Variants in TAF3 observed in about 807,000 individuals in gnomAD.
TAF3 encodes the protein transcription initiation factor TFIID subunit 3.
Under a neutral mutation model 80.6 loss-of-function variants are expected in TAF3, and 7 were observed. That is an observed-to-expected ratio of 0.09 (90% CI 0.05 to 0.16). The LOEUF is 0.16. Among genes scored for constraint, TAF3 ranks in the 10% least tolerant of loss-of-function variants. TAF3 has a pLI of 1.00. For synonymous variants in TAF3, 444 were observed against 446.1 expected (o/e 1.00, Z 0.06); for missense variants, 921 against 1,140.2 (o/e 0.81, Z 2.77).
intron 2 of TAF3, among the ~76,000 whole-genome samples, chr10:7,857,514 G>T (rs1837093182): frequency 6.6e-6 from 1 of 152,314 alleles, no homozygotes; most frequent in East Asian, 1.9e-4. Flanking sequence ...GGAGTGTGGA[G>T]GTGGACACTG....
At chr10:7,956,100 A>G (rs1838132754) in intron 2 of TAF3, among the ~76,000 whole-genome samples, 1 of 152,210 alleles carries the variant, frequency 6.6e-6, no homozygotes, top group South Asian at 2.1e-4. Context: ...GTTATATAAT[A>G]CATATGTTAA....
intron 4 of TAF3, among the ~76,000 whole-genome samples, chr10:8,003,652 A>G (rs556685663): frequency 3.3e-5 from 5 of 152,380 alleles, no homozygotes; most frequent in African/African-American, 1.2e-4. Context: ...ATGCAGCATT[A>G]AAGAAGAACT....
chr10:7,926,930 G>A (rs958000428), intron 2 of TAF3, among the ~76,000 whole-genome samples: 1 of 152,116 alleles, frequency 6.6e-6, no homozygotes, highest in Non-Finnish European at 1.5e-5. Flanking sequence ...TTCAACGTGT[G>A]TATATATATT....
chr10:7,865,340 ATG>A (rs1837200489), intron 2 of TAF3, among the ~76,000 whole-genome samples: 1 of 152,066 alleles, frequency 6.6e-6, no homozygotes. Context: ...TTAGCCAGGT[ATG>A]GTGGCGGGCG....
At position 8,001,272 on chromosome 10, in the gene TAF3, C is replaced by T. The variant is rs1831941384; in HGVS notation, c.2316-7806C>T. Among the ~76,000 whole-genome samples, 3 of 152,146 alleles carry T rather than the reference C, an allele frequency of 2.0e-5. No individual in the cohort carries two copies. The South Asian group carries it at 6.2e-4, about 31-fold the overall frequency. ...CCAACCATCTCTCCCTTTCCCCTAG[C>T]CTGACAGTACCAGGTGTTGTCAATC... On this transcript the variant is annotated intron_variant, in intron 4 of 6. Transcript: ENST00000344293.
chr10:7,856,108 G>A (rs1837076659), intron 2 of TAF3, among the ~76,000 whole-genome samples: 1 of 152,156 alleles, frequency 6.6e-6, no homozygotes, highest in African/African-American at 2.4e-5. Flanking sequence ...TTGGAAATGG[G>A]AAATCATGGC....
Position 7,842,366 on chromosome 10 carries a change from C to T in TAF3, c.409+17806C>T, listed in dbSNP as rs115376823. ...GTAGAGATGAGGTTTCAGTATATTGCCCTGGCTGGTCTTGAACTGCAAGGC... is the reference window on the plus strand; with the variant it reads ...GTAGAGATGAGGTTTCAGTATATTGTCCTGGCTGGTCTTGAACTGCAAGGC... On this transcript the variant is annotated intron_variant, in intron 2 of 6. Transcript: ENST00000344293. Among the ~76,000 whole-genome samples the T allele has an allele frequency of 9.9e-3, 1,501 of 151,714 alleles. 21 individuals are homozygous for T. The highest frequency in any genetic ancestry group is 0.034 in the African/African-American group (1,407 of 41,360).
At chr10:7,988,902 CACTTAA>C (rs1256842020) in intron 4 of TAF3, among the ~76,000 whole-genome samples, 5 of 151,724 alleles carry the variant, frequency 3.3e-5, no homozygotes, top group Non-Finnish European at 7.4e-5. Context: ...TTGTACTTTG[CACTTAA>C]AAGTTTATTT....
intron 2 of TAF3, among the ~76,000 whole-genome samples, chr10:7,894,220 C>T (rs998913746): frequency 2.0e-5 from 3 of 152,184 alleles, no homozygotes; most frequent in Admixed American, 2.0e-4. Flanking sequence ...TTTTCCACTT[C>T]TCCTACCCCT....
intron 2 of TAF3, among the ~76,000 whole-genome samples, chr10:7,961,810 T>TCA (rs921137753): frequency 1.3e-5 from 2 of 152,212 alleles, no homozygotes; most frequent in African/African-American, 4.8e-5. Flanking sequence ...TTTCTGTTCA[T>TCA]CACTACATTT....
chr10:7,962,430 G>T (rs183095464), intron 2 of TAF3, among the ~76,000 whole-genome samples: 2 of 152,166 alleles, frequency 1.3e-5, no homozygotes, highest in East Asian at 3.9e-4. Flanking sequence ...TTTCTCTGTT[G>T]TCTAAAATCC....
intron 2 of TAF3, among the ~76,000 whole-genome samples, chr10:7,945,161 C>T (rs372278422): frequency 2.0e-5 from 3 of 152,258 alleles, no homozygotes; most frequent in South Asian, 2.1e-4. Flanking sequence ...CTCTGGCACC[C>T]GTGGCATTAG....
In TAF3 at chr10:7,906,145, T is replaced by G. The variant is rs1052600019; in HGVS notation, c.410-57775T>G. Among the ~76,000 whole-genome samples, 3 of 152,230 alleles carry G rather than the reference T, an allele frequency of 2.0e-5. No individual in the cohort carries two copies. In the South Asian group the frequency reaches 6.2e-4, roughly 31 times the overall value. ...AATATATATGTGATATTTCATCTCT[T>G]GTCCAATTCCTCTTTCTCCTCCAAC... On this transcript the variant is annotated intron_variant, in intron 2 of 6. Coordinates refer to ENST00000344293, the MANE Select transcript of TAF3 (RefSeq NM_031923.4).
intron 4 of TAF3, among the ~76,000 whole-genome samples, chr10:7,997,383 A>T (rs987609829): frequency 6.6e-6 from 1 of 152,240 alleles, no homozygotes; most frequent in Non-Finnish European, 1.5e-5. Context: ...AATAATGAGG[A>T]TCATTAAACT....
intron 2 of TAF3, among the ~76,000 whole-genome samples, chr10:7,866,578 A>G (rs1319055652): frequency 6.6e-6 from 1 of 152,234 alleles, no homozygotes; most frequent in Non-Finnish European, 1.5e-5. Flanking sequence ...CCTAGAATCT[A>G]CTGAGGGAGC....
intron 1 of TAF3, 64 bp downstream of exon 1, chr10:7,818,939 C>T (rs1168884084): frequency 2.3e-6 from 3 of 1,333,230 alleles, no homozygotes; most frequent in Non-Finnish European, 2.9e-6. Flanking sequence ...CTTCGCTCTC[C>T]CTGTCCCTCC....
rs1245173772 is a variant in TAF3, at chr10:8,009,171, C to T, written c.2409C>T (p.Pro803=). 1.3e-6 allele frequency: 2 copies of T among 1,531,670 alleles called. No homozygotes were observed. Among genetic ancestry groups the T allele is most frequent in the Non-Finnish European group, 1.8e-6 (2 of 1,138,156 alleles). The allele number at this position is 1,531,670 out of a possible 1,614,324, so 94.9% of individuals were successfully genotyped here. A position where few individuals can be genotyped will look rare whatever the true frequency, so the allele number is the denominator to read the frequency against. Residue 803 remains proline, a synonymous_variant, in exon 5 of 7, where the codon CCC becomes CCT. Transcript: ENST00000344293. This position sits in a 1 kb window ranked among gnomAD's most constrained non-coding sequence, Gnocchi z 4.1. ...CACCGCCGGCCCCCGCGCCCGCCCC[C>T]GGCCCCATGCTCGTCAGCCCTGCGC... The part of the protein sequence containing the change: ...KTPPPAPAPA[P]GPMLVSPAPV...
chr10:7,818,884 C>G lies in TAF3; in HGVS notation c.166+9C>G. ...TCGGTACTCTGAGCTCTGTGAGTAC[C>G]GGGCTGGGTGCGGGAGGGCTGCCCC... On this transcript the variant is annotated intron_variant, in intron 1 of 6. Transcript: ENST00000344293. 5 of 1,428,116 alleles carry G rather than the reference C, an allele frequency of 3.5e-6. No individual in the cohort carries two copies. The highest frequency in any genetic ancestry group is 4.6e-6 in the Non-Finnish European group (5 of 1,096,096). 88.5% of individuals were successfully genotyped at this position (1,428,116 alleles called of 1,614,324 possible). A position where few individuals can be genotyped will look rare whatever the true frequency, so the allele number is the denominator to read the frequency against.
Position 7,956,879 on chromosome 10 carries a change from A to AT in TAF3, c.410-7034dup, listed in dbSNP as rs1470247411. Among the ~76,000 whole-genome samples, 5 of 152,250 alleles carry AT rather than the reference A, an allele frequency of 3.3e-5. No homozygotes were observed. In the South Asian group the frequency reaches 1.0e-3, roughly 32 times the overall value. Reference sequence around the variant, plus strand: ...AGAGGGGACATGAATTTTAGTTAAGATTTTTTTGAAAATAGGTATTACCAC... The same window carrying AT: ...AGAGGGGACATGAATTTTAGTTAAGATTTTTTTTGAAAATAGGTATTACCAC... On this transcript the variant is annotated intron_variant, in intron 2 of 6. Transcript: ENST00000344293.
Sources: gnomAD v4.1 joint callset for allele counts (sites outside exome capture counted in the v4.1 genomes callset) on GRCh38, gnomAD v4.1.1 for gene constraint, Gnocchi (gnomAD v3.1) non-coding constraint, MANE v1.5 for transcripts, NCBI Gene and HGNC (gene_info 2026-07-23, HGNC 2026-07-21) for gene names.